Variants in MYO19 observed in about 807,000 individuals in gnomAD.
MYO19 encodes unconventional myosin-XIX.
A neutral mutation model predicts 129.2 loss-of-function variants in MYO19; 132 were observed. The observed-to-expected ratio is 1.02, with a 90% CI of 0.89 to 1.18. The LOEUF (loss-of-function observed/expected upper bound fraction) is 1.18, where lower values mean the gene tolerates loss of function less well. Ranked by LOEUF, MYO19 falls within the 50% of genes most tolerant of loss-of-function variation. The probability of loss-of-function intolerance (pLI) is 0.00; values close to 1 mark genes in which losing one functional copy is unlikely to be tolerated. For synonymous variants in MYO19, 531 were observed against 477.2 expected (o/e 1.11, Z -1.47); for missense variants, 1,210 against 1,216.7 (o/e 0.99, Z 0.08).
chr17:36,511,793 C>T (rs936086611), intron 11 of MYO19, among the ~76,000 whole-genome samples: 2 of 152,190 alleles, frequency 1.3e-5, no homozygotes, highest in Admixed American at 6.5e-5. Flanking sequence ...CCATCCTCTA[C>T]ATTTCTGCCC....
chr17:36,519,938 G>A (rs2073036127), intron 6 of MYO19, among the ~76,000 whole-genome samples: 1 of 151,982 alleles, frequency 6.6e-6, no homozygotes, highest in Admixed American at 6.6e-5. Flanking sequence ...GATTCCTATG[G>A]TCATTCTTAT....
chr17:36,537,257 C>G (rs772050144), upstream of MYO19: 9 of 1,614,030 alleles, frequency 5.6e-6, no homozygotes, highest in Non-Finnish European at 7.6e-6. Flanking sequence ...TTTCACCTAC[C>G]TGGAAAACTA....
At chr17:36,498,113 G>A (rs1247304676) in intron 25 of MYO19, 153 bp downstream of exon 25, 4 of 729,004 alleles carry the variant, frequency 5.5e-6, no homozygotes, top group African/African-American at 1.8e-5. Flanking sequence ...ATCCAAACCT[G>A]CAGCTGATTG....
intron 11 of MYO19, chr17:36,512,707 T>C (rs1342092382): frequency 9.3e-6 from 12 of 1,289,066 alleles, no homozygotes; most frequent in African/African-American, 1.5e-5. Context: ...CACTTTCCAC[T>C]GCATTGCTAC....
At chr17:36,513,120 C>G (rs1029640601) in intron 11 of MYO19, 2 of 1,367,888 alleles carry the variant, frequency 1.5e-6, no homozygotes, top group Non-Finnish European at 1.9e-6. Flanking sequence ...ATGTACTAGA[C>G]AAGCAAGGCG....
intron 6 of MYO19, among the ~76,000 whole-genome samples, chr17:36,522,689 G>C (rs1180495047): frequency 6.6e-6 from 1 of 151,962 alleles, no homozygotes; most frequent in East Asian, 1.9e-4. Flanking sequence ...GGCCAACTTG[G>C]TGAAACCCCA....
intron 25 of MYO19, chr17:36,497,934 G>C: frequency 6.6e-6 from 2 of 303,108 alleles, no homozygotes; most frequent in Non-Finnish European, 1.2e-5. Flanking sequence ...TAAAGCCTTG[G>C]TTCTCACAGT....
In MYO19 at chr17:36,514,498, GT is replaced by G; in HGVS notation, c.667del (p.Thr223LeufsTer49). The G allele has an allele frequency of 6.2e-7, 1 of 1,613,746 alleles. No individual in the cohort carries two copies. The highest frequency in any genetic ancestry group is 8.5e-7 in the Non-Finnish European group (1 of 1,179,662). ...ACTGGAAGCCTGGCAGGCCACTCGA[GT>G]TTTCTCTAGGAGGTAGGTCTGGACT... ...AAVQTYLLEK[T>X]RVACQASSER... On this transcript the variant is annotated frameshift_variant, in exon 9 of 26. Transcript: ENST00000614623. LOFTEE classifies it high-confidence loss of function.
At chr17:36,505,024 CTG>C (rs1314244143) in intron 19 of MYO19, 3 of 644,140 alleles carry the variant, frequency 4.7e-6, no homozygotes, top group Non-Finnish European at 8.7e-6. Flanking sequence ...ACCCATTCCT[CTG>C]GGCAGTTTCA....
At chr17:36,522,106 A>ACC (rs1377332425) in intron 6 of MYO19, among the ~76,000 whole-genome samples, 1 of 152,184 alleles carries the variant, frequency 6.6e-6, no homozygotes, top group Non-Finnish European at 1.5e-5. Context: ...ATTATTTCTA[A>ACC]CCTGGAATTA....
chr17:36,539,911 G>A (rs966140640), upstream of MYO19, among the ~76,000 whole-genome samples: 1 of 149,822 alleles, frequency 6.7e-6, no homozygotes, highest in Admixed American at 6.6e-5. Flanking sequence ...TTTTGAGCTA[G>A]AGCTGATTAG....
intron 3 of MYO19, among the ~76,000 whole-genome samples, chr17:36,529,657 G>C (rs947562603): frequency 6.6e-6 from 1 of 152,022 alleles, no homozygotes; most frequent in African/African-American, 2.4e-5. Context: ...GAGTAACTGC[G>C]GAGGTCAGAG....
intron 4 of MYO19, 128 bp from the exon 5 acceptor site, chr17:36,527,827 C>T: frequency 8.6e-7 from 1 of 1,169,410 alleles, no homozygotes; most frequent in East Asian, 2.6e-5. Context: ...CCAGCAGCTC[C>T]CTGAAGAAAA....
intron 14 of MYO19, 66 bp downstream of exon 14, chr17:36,508,996 G>T: frequency 7.0e-7 from 1 of 1,422,008 alleles, no homozygotes; most frequent in Non-Finnish European, 9.8e-7. Context: ...CAGGGCTCCT[G>T]CCTCTCCATC....
At position 36,503,138 on chromosome 17, in the gene MYO19, G is replaced by A. The variant is rs2071646834; in HGVS notation, c.2039C>T (p.Ser680Phe). The change falls in exon 21 of 26, where the codon TCC (serine) becomes TTC (phenylalanine). Residue 680 changes from serine (S) to phenylalanine (F), a missense_variant. Coordinates refer to ENST00000614623, the MANE Select transcript of MYO19 (RefSeq NM_001163735.2). ...AGGATATGGGCTGTCGGGGCCAGAGGATGTGCAAGGATGAAGCCTTCTTAG... is the reference window on the plus strand; with the variant it reads ...AGGATATGGGCTGTCGGGGCCAGAGAATGTGCAAGGATGAAGCCTTCTTAG... The part of the protein sequence containing the change: ...KLLRRLHPCT[S>F]SGPDSPYPAK... 1.9e-6 allele frequency: 3 copies of A among 1,614,034 alleles called. No individual in the cohort carries two copies. The highest frequency in any genetic ancestry group is 2.5e-6 in the Non-Finnish European group (3 of 1,179,902).
At chr17:36,543,139 T>C (rs1211021625) in exon 1 of MYO19, 2 of 152,074 alleles carry the variant, frequency 1.3e-5, no homozygotes, top group Non-Finnish European at 2.9e-5. Flanking sequence ...TCTACTCTGC[T>C]AACATGGCCA....
Position 36,496,000 on chromosome 17 carries a change from T to TCTCG in MYO19, c.*250_*251insCGAG. 1.3e-6 allele frequency: 1 copy of TCTCG among 786,440 alleles called. No individual in the cohort carries two copies. Among genetic ancestry groups the TCTCG allele is most frequent in the East Asian group, 2.9e-5 (1 of 34,392 alleles). The allele number at this position is 786,440 out of a possible 1,614,324, so 48.7% of individuals were successfully genotyped here. ...AGTTTGATCTGTGAAGGTAGTGAAA[T>TCTCG]GTGGCCCTGATGTTTCTTAACCCTG... On this transcript the variant is annotated 3_prime_UTR_variant, in exon 26 of 26. Transcript: ENST00000614623.
At chr17:36,510,396 C>A (rs1346791023) in intron 13 of MYO19, among the ~76,000 whole-genome samples, 1 of 152,266 alleles carries the variant, frequency 6.6e-6, no homozygotes, top group Non-Finnish European at 1.5e-5. Context: ...GAAGCAGGAA[C>A]TGCGAAGGCT....
At chr17:36,521,566 C>G (rs1456456121) in intron 6 of MYO19, among the ~76,000 whole-genome samples, 1 of 152,098 alleles carries the variant, frequency 6.6e-6, no homozygotes, top group African/African-American at 2.4e-5. Flanking sequence ...AAAATACTTT[C>G]CTGAACAAAA....
Sources: gnomAD v4.1 joint callset for allele counts (sites outside exome capture counted in the v4.1 genomes callset) on GRCh38, gnomAD v4.1.1 for gene constraint, MANE v1.5 for transcripts, NCBI Gene and HGNC (gene_info 2026-07-23, HGNC 2026-07-21) for gene names.